PCDH7: variants seen among roughly 807,000 people sequenced by gnomAD.
PCDH7 encodes the protein protocadherin 7.
A neutral mutation model predicts 58.9 loss-of-function variants in PCDH7; 17 were observed. The ratio of observed to expected loss-of-function variants is 0.29; its 90% CI spans 0.20 to 0.43. PCDH7 has a LOEUF of 0.43. Among genes scored for constraint, PCDH7 ranks in the 20% least tolerant of loss-of-function variants. The pLI, the probability that PCDH7 is intolerant of heterozygous loss-of-function variation, is 1.00. For synonymous variants in PCDH7, 664 were observed against 616.4 expected (o/e 1.08, Z -1.14); for missense variants, 1,274 against 1,441.0 (o/e 0.88, Z 1.88).
chr4:31,060,260 T>G (rs1757581182), intron 3 of PCDH7, among the ~76,000 whole-genome samples: 1 of 151,756 alleles, frequency 6.6e-6, no homozygotes, highest in South Asian at 2.1e-4. Context: ...GATAATAAAT[T>G]ACTTCCCTTA....
At chr4:30,809,951 C>T (rs916753752) in intron 1 of PCDH7, among the ~76,000 whole-genome samples, 1 of 152,068 alleles carries the variant, frequency 6.6e-6, no homozygotes, top group Non-Finnish European at 1.5e-5. Flanking sequence ...TCTTTTTTCT[C>T]TTGCTAAGTT....
chr4:31,131,038 T>C (rs909958475), intron 3 of PCDH7, among the ~76,000 whole-genome samples: 1 of 152,110 alleles, frequency 6.6e-6, no homozygotes, highest in Admixed American at 6.5e-5. Flanking sequence ...AGGGGACCAT[T>C]ATTCTGCCTA....
At chr4:30,881,305 C>T (rs868653652) in intron 1 of PCDH7, among the ~76,000 whole-genome samples, 8 of 151,872 alleles carry the variant, frequency 5.3e-5, no homozygotes, top group Non-Finnish European at 8.8e-5. Context: ...GAGATTGCAT[C>T]GCTGTACTCC....
At chr4:30,787,207 G>T (rs768304907) in intron 1 of PCDH7, among the ~76,000 whole-genome samples, 10 of 152,116 alleles carry the variant, frequency 6.6e-5, no homozygotes, top group Non-Finnish European at 1.2e-4. Flanking sequence ...AGTTAATAAT[G>T]TGGAGATTAG....
At chr4:30,984,165 T>C (rs929617191) in intron 3 of PCDH7, among the ~76,000 whole-genome samples, 45 of 152,162 alleles carry the variant, frequency 3.0e-4, no homozygotes, top group African/African-American at 1.1e-3. Flanking sequence ...TGCTATTCTT[T>C]GGGGGTGGTA....
At chr4:30,949,119 G>A (rs1747058715) in intron 2 of PCDH7, among the ~76,000 whole-genome samples, 1 of 152,084 alleles carries the variant, frequency 6.6e-6, no homozygotes, top group African/African-American at 2.4e-5. Context: ...ATTTGTGTAT[G>A]AAGTCACACA....
chr4:30,954,501 A>G (rs1747658666), intron 3 of PCDH7, among the ~76,000 whole-genome samples: 1 of 152,110 alleles, frequency 6.6e-6, no homozygotes, highest in Non-Finnish European at 1.5e-5. Context: ...TACCAAAGCG[A>G]TACCCTTTAG....
chr4:30,850,311 G>A (rs531805554), intron 1 of PCDH7, among the ~76,000 whole-genome samples: 9 of 152,128 alleles, frequency 5.9e-5, no homozygotes, highest in Admixed American at 4.6e-4. Flanking sequence ...ATGGCTAAGC[G>A]CTGAGTTCGC....
At chr4:30,899,432 C>G (rs569864296) in intron 1 of PCDH7, among the ~76,000 whole-genome samples, 2 of 152,146 alleles carry the variant, frequency 1.3e-5, no homozygotes, top group East Asian at 1.9e-4. Context: ...TAGGTCCCAG[C>G]TCCTTAAAGC....
At chr4:30,937,510 A>G (rs191411003) in intron 2 of PCDH7, among the ~76,000 whole-genome samples, 1 of 152,220 alleles carries the variant, frequency 6.6e-6, no homozygotes, top group African/African-American at 2.4e-5. Flanking sequence ...ATTGATCTAA[A>G]TTATTGAACT....
At position 30,721,109 on chromosome 4, in the gene PCDH7, G is replaced by A; in HGVS notation, c.-314G>A. 2.9e-6 allele frequency: 1 copy of A among 340,410 alleles called. No individual in the cohort carries two copies. The highest frequency in any genetic ancestry group is 5.3e-6 in the Non-Finnish European group (1 of 188,568). 21.1% of individuals were successfully genotyped at this position (340,410 alleles called of 1,614,324 possible). ...GGGAGCGCCGAACCCGCGGCGCGCA[G>A]TGTCCCGTGAACTGTGAGTACTGCG... On this transcript the variant is annotated 5_prime_UTR_variant, in exon 1 of 2. It adds an upstream start codon to the 5' untranslated region. Transcript: ENST00000361762. This position sits in a 1 kb window ranked among gnomAD's most constrained non-coding sequence, Gnocchi z 6.7.
At chr4:31,101,454 A>G (rs1209206925) in intron 3 of PCDH7, among the ~76,000 whole-genome samples, 1 of 152,188 alleles carries the variant, frequency 6.6e-6, no homozygotes, top group Non-Finnish European at 1.5e-5. Flanking sequence ...GGACGTGTGT[A>G]TGCATGTGAC....
chr4:30,842,913 T>C (rs1731398986), intron 1 of PCDH7, among the ~76,000 whole-genome samples: 1 of 152,160 alleles, frequency 6.6e-6, no homozygotes, highest in South Asian at 2.1e-4. Flanking sequence ...TACTCTCTGA[T>C]ATTTGTCTAC....
intron 2 of PCDH7, among the ~76,000 whole-genome samples, chr4:30,933,905 G>A (rs373561892): frequency 3.3e-4 from 51 of 152,300 alleles, no homozygotes; most frequent in African/African-American, 1.1e-3. Flanking sequence ...CAGTCCTTAC[G>A]ATTTCCCTTC....
chr4:30,972,279 T>C (rs1263610908), intron 3 of PCDH7, among the ~76,000 whole-genome samples: 2 of 152,220 alleles, frequency 1.3e-5, no homozygotes, highest in Non-Finnish European at 2.9e-5. Flanking sequence ...TTTAACATAG[T>C]GTTTTTTTTA....
intron 1 of PCDH7, among the ~76,000 whole-genome samples, chr4:30,868,430 C>T (rs1735146838): frequency 6.6e-6 from 1 of 152,082 alleles, no homozygotes; most frequent in Non-Finnish European, 1.5e-5. Flanking sequence ...CTGCCTTTTC[C>T]TGAGCACTTA....
chr4:30,956,078 G>C (rs1372223546), intron 3 of PCDH7, among the ~76,000 whole-genome samples: 1 of 151,686 alleles, frequency 6.6e-6, no homozygotes, highest in Admixed American at 6.6e-5. Context: ...GCCAGGCAAG[G>C]TGGTGCACGC....
chr4:30,979,450 C>G (rs1237238293), intron 3 of PCDH7, among the ~76,000 whole-genome samples: 5 of 151,800 alleles, frequency 3.3e-5, no homozygotes, highest in Non-Finnish European at 7.4e-5. Context: ...TGAGAATATA[C>G]AATGAGATGA....
At chr4:31,072,389 A>T (rs1468422147) in intron 3 of PCDH7, among the ~76,000 whole-genome samples, 1 of 152,086 alleles carries the variant, frequency 6.6e-6, no homozygotes, top group Non-Finnish European at 1.5e-5. Flanking sequence ...ATGTGTAAAG[A>T]CTCATGCATG....
Sources: gnomAD v4.1 joint callset for allele counts (sites outside exome capture counted in the v4.1 genomes callset) on GRCh38, gnomAD v4.1.1 for gene constraint, Gnocchi (gnomAD v3.1) non-coding constraint, MANE v1.5 for transcripts, NCBI Gene and HGNC (gene_info 2026-07-23, HGNC 2026-07-21) for gene names.